The following NCKAP5 variants were observed in gnomAD, a reference collection of about 807,000 sequenced individuals.
NCKAP5 encodes the protein nck-associated protein 5.
NCKAP5 carries 92 observed loss-of-function variants against 167.0 expected under a neutral mutation model. The ratio of observed to expected loss-of-function variants is 0.55; its 90% CI spans 0.47 to 0.66. The LOEUF is 0.66. Among genes scored for constraint, NCKAP5 ranks in the 30% least tolerant of loss-of-function variants. The pLI is 0.00. For synonymous variants in NCKAP5, 891 were observed against 877.4 expected (o/e 1.02, Z -0.27); for missense variants, 2,378 against 2,315.0 (o/e 1.03, Z -0.56).
chr2:132,716,640 C>G lies in NCKAP5; in HGVS notation c.5713+8987G>C, dbSNP rs113652621. The stretch of plus-strand genomic sequence containing the variant: ...AATGTCCATCAAAGGGTGACAAACT[C>G]TGGGGGGCATCTCTTCCCTCAAAAT... On this transcript the variant is annotated intron_variant, in intron 19 of 19. Transcript: ENST00000409261. 2.2e-3 allele frequency among the ~76,000 whole-genome samples: 342 copies of G among 152,194 alleles called. 1 individual carries two copies. The highest frequency in any genetic ancestry group is 7.7e-3 in the African/African-American group (319 of 41,522).
chr2:133,472,756 T>C (rs1408858327), intron 3 of NCKAP5, among the ~76,000 whole-genome samples: 1 of 152,142 alleles, frequency 6.6e-6, no homozygotes. Context: ...GAGCAGATAT[T>C]CTCAGATAAT....
At chr2:132,903,579 C>A (rs183567775) in intron 8 of NCKAP5, among the ~76,000 whole-genome samples, 3 of 152,140 alleles carry the variant, frequency 2.0e-5, no homozygotes, top group Non-Finnish European at 4.4e-5. Context: ...TCATGTTTAT[C>A]TCAATTTATC....
At position 133,276,657 on chromosome 2, in the gene NCKAP5, T is replaced by C. The variant is rs530657752; in HGVS notation, c.143+26380A>G. Among the ~76,000 whole-genome samples, 11 of 152,192 alleles carry C rather than the reference T, an allele frequency of 7.2e-5. No individual in the cohort carries two copies. The South Asian group carries it at 2.1e-3, about 29-fold the overall frequency. ...AATGCTCCACATTTACTTCAGGACATGGAAAATGAAGAAAAACTTTCTAAT... is the reference window on the plus strand; with the variant it reads ...AATGCTCCACATTTACTTCAGGACACGGAAAATGAAGAAAAACTTTCTAAT... On this transcript the variant is annotated intron_variant, in intron 4 of 19. Transcript: ENST00000409261.
chr2:132,831,963 T>C (rs1687552175), intron 11 of NCKAP5, among the ~76,000 whole-genome samples: 3 of 152,134 alleles, frequency 2.0e-5, no homozygotes, highest in South Asian at 4.1e-4. Context: ...ATAATATCTC[T>C]ATCATAAACA....
intron 11 of NCKAP5, among the ~76,000 whole-genome samples, chr2:132,799,191 C>T (rs1279351546): frequency 1.3e-5 from 2 of 151,890 alleles, no homozygotes; most frequent in Non-Finnish European, 2.9e-5. Context: ...TAAGTGGAAG[C>T]TAGATACTGA....
the NCKAP5 span, among the ~76,000 whole-genome samples, chr2:133,656,903 G>A: frequency 6.6e-6 from 1 of 152,058 alleles, no homozygotes; most frequent in African/African-American, 2.4e-5. Context: ...CATATTTGTA[G>A]TCTTTTAATC....
At chr2:133,097,754 C>A (rs962982777) in intron 6 of NCKAP5, among the ~76,000 whole-genome samples, 8 of 152,100 alleles carry the variant, frequency 5.3e-5, no homozygotes, top group Admixed American at 2.0e-4. Flanking sequence ...AAAATATGAA[C>A]CCACCTTGCC....
intron 5 of NCKAP5, among the ~76,000 whole-genome samples, chr2:133,168,518 C>T (rs182468632): frequency 1.6e-4 from 25 of 152,108 alleles, no homozygotes; most frequent in Non-Finnish European, 3.4e-4. Flanking sequence ...GTCATTAAAA[C>T]AGTCCTTCCC....
At chr2:133,139,229 A>G (rs903233404) in intron 5 of NCKAP5, among the ~76,000 whole-genome samples, 2 of 152,080 alleles carry the variant, frequency 1.3e-5, no homozygotes, top group Non-Finnish European at 2.9e-5. Flanking sequence ...GTCCCTTCCA[A>G]CTCTCACATT....
At chr2:133,187,791 G>C (rs993069157) in intron 5 of NCKAP5, among the ~76,000 whole-genome samples, 2 of 151,906 alleles carry the variant, frequency 1.3e-5, no homozygotes, top group Admixed American at 6.6e-5. Context: ...CAGAGACTAG[G>C]ATTGCAACAC....
intron 16 of NCKAP5, among the ~76,000 whole-genome samples, chr2:132,745,472 A>G (rs531532878): frequency 3.3e-5 from 5 of 151,892 alleles, no homozygotes; most frequent in African/African-American, 4.8e-5. Flanking sequence ...GGGCATCTAC[A>G]GAAAACCTAC....
At chr2:133,588,302 TCTCC>T in the NCKAP5 span, among the ~76,000 whole-genome samples, 49 of 85,634 alleles carry the variant, frequency 5.7e-4, no homozygotes, top group African/African-American at 2.2e-3. Context: ...TCTCGTCTTC[TCTCC>T]CTCCCTCCCC....
At chr2:132,696,903 G>C (rs1409352367) in intron 19 of NCKAP5, among the ~76,000 whole-genome samples, 1 of 151,964 alleles carries the variant, frequency 6.6e-6, no homozygotes. Flanking sequence ...TATTTGGGTT[G>C]GGGGAACATG....
chr2:133,664,268 C>G, the NCKAP5 span, among the ~76,000 whole-genome samples: 1 of 152,010 alleles, frequency 6.6e-6, no homozygotes, highest in African/African-American at 2.4e-5. Context: ...ATTTCTAGAG[C>G]ATAGGCAGGG....
chr2:133,495,969 C>T (rs779428926), intron 3 of NCKAP5, among the ~76,000 whole-genome samples: 1 of 152,124 alleles, frequency 6.6e-6, no homozygotes, highest in Non-Finnish European at 1.5e-5. Context: ...CAGGAGCATG[C>T]ACAAAATCTG....
chr2:133,644,281 G>C, the NCKAP5 span, among the ~76,000 whole-genome samples: 1 of 152,090 alleles, frequency 6.6e-6, no homozygotes, highest in Non-Finnish European at 1.5e-5. Flanking sequence ...GTGTCTCTCA[G>C]CTGGGACATC....
chr2:133,031,552 G>A (rs904776424), intron 6 of NCKAP5, among the ~76,000 whole-genome samples: 36 of 152,234 alleles, frequency 2.4e-4, no homozygotes, highest in African/African-American at 8.2e-4. Context: ...TTTTAGGTGA[G>A]TCCTGGTGCT....
chr2:132,874,460 A>C (rs1366153179), intron 9 of NCKAP5, among the ~76,000 whole-genome samples: 1 of 152,132 alleles, frequency 6.6e-6, no homozygotes, highest in Non-Finnish European at 1.5e-5. Context: ...TATGCCTGAG[A>C]GTGTCCTGGG....
At chr2:133,532,908 C>A (rs1236096624) in intron 2 of NCKAP5, among the ~76,000 whole-genome samples, 1 of 152,158 alleles carries the variant, frequency 6.6e-6, no homozygotes, top group African/African-American at 2.4e-5. Flanking sequence ...GAGAATGTTT[C>A]TAAGATCCAA....
Sources: allele counts gnomAD v4.1 joint callset (sites outside exome capture counted in the v4.1 genomes callset), GRCh38; gene constraint gnomAD v4.1.1; transcripts MANE v1.5; gene names NCBI Gene and HGNC (gene_info 2026-07-23, HGNC 2026-07-21).